Variants in NPHP1 observed in about 807,000 individuals in gnomAD.
The protein encoded by NPHP1 is nephrocystin-1.
Under a neutral mutation model 90.4 loss-of-function variants are expected in NPHP1, and 70 were observed. The observed-to-expected ratio is 0.77, with a 90% CI of 0.64 to 0.95. The LOEUF (loss-of-function observed/expected upper bound fraction) is 0.95. Among genes scored for constraint, NPHP1 ranks in the 40% least tolerant of loss-of-function variants. NPHP1 has a pLI of 0.00. For missense variants in NPHP1, 764 were observed against 795.9 expected (o/e 0.96, Z 0.48); for synonymous variants, 256 against 271.7 (o/e 0.94, Z 0.57).
At position 110,143,618 on chromosome 2, in the gene NPHP1, T is replaced by C. The variant is rs768448955; in HGVS notation, c.1453A>G (p.Ile485Val). Reference protein sequence around the residue: ...RRAHGSVFYQIMTMRRQPQLL... With the variant: ...RRAHGSVFYQVMTMRRQPQLL... ...TGAGGCTGCCTTCTCATTGTCATAA[T>C]CTGGTAGAAAACACTGCCGTGTGCT... Residue 485 changes from isoleucine (I) to valine (V), a missense_variant, in exon 16 of 20, where the codon ATT (isoleucine) becomes GTT (valine). Ile to Val is a conservative substitution (Grantham distance 29, BLOSUM62 3). Coordinates refer to ENST00000445609, the MANE Select transcript of NPHP1 (RefSeq NM_001128178.3). The C allele has an allele frequency of 1.9e-6, 3 of 1,613,432 alleles. No homozygotes were observed. Among genetic ancestry groups the C allele is most frequent in the Admixed American group, 1.7e-5 (1 of 60,026 alleles).
At chr2:110,178,679 G>A in intron 3 of NPHP1, 132 bp from the exon 4 acceptor site, 1 of 729,644 alleles carries the variant, frequency 1.4e-6, no homozygotes. Context: ...CTATCTTAGG[G>A]AAATAAATTA....
Position 110,143,661 on chromosome 2 carries a change from G to C in NPHP1, c.1430-20C>G, listed in dbSNP as rs760121969. The C allele has an allele frequency of 5.7e-5, 88 of 1,554,378 alleles. No homozygotes were observed. Among genetic ancestry groups the C allele is most frequent in the Non-Finnish European group, 7.7e-5 (87 of 1,125,854 alleles). On this transcript the variant is annotated intron_variant, in intron 15 of 19. Coordinates refer to ENST00000445609, the MANE Select transcript of NPHP1 (RefSeq NM_001128178.3). ...CGTGTGCTTTTAAGAAAAATCAAAA[G>C]TAACTCACGAAACTTTAAGTACTTG... is the stretch of plus-strand genomic sequence containing the variant.
At position 110,123,979 on chromosome 2, in the gene NPHP1, G is replaced by T. The variant is rs755276263; in HGVS notation, c.1846C>A (p.Pro616Thr). ...LPLLHSTRLP[P>T]FRWAEEETET... ...GTCTCTTCTTCTGCCCACCTGAATG[G>T]GGGTAGGCGTGTGGAGTGGAGAAGT... The change falls in exon 20 of 20, where the codon CCA (proline) becomes ACA (threonine). Residue 616 changes from proline to threonine, a missense_variant. By Grantham distance (38) the Pro-to-Thr change is conservative (BLOSUM62 -1). Coordinates refer to ENST00000445609, the MANE Select transcript of NPHP1 (RefSeq NM_001128178.3). 1 of 1,614,028 alleles carries T rather than the reference G, an allele frequency of 6.2e-7. No homozygotes were observed. The highest frequency in any genetic ancestry group is 8.5e-7 in the Non-Finnish European group (1 of 1,179,876).
chr2:110,199,985 C>T (rs978247625), intron 2 of NPHP1, among the ~76,000 whole-genome samples: 1 of 152,130 alleles, frequency 6.6e-6, no homozygotes, highest in African/African-American at 2.4e-5. Context: ...GGGCCGGGCG[C>T]GGTGGCTCAC....
chr2:110,164,875 A>G (rs995064518), intron 7 of NPHP1, 145 bp from the exon 8 acceptor site: 1 of 906,872 alleles, frequency 1.1e-6, no homozygotes, highest in Admixed American at 2.0e-5. Context: ...AGCTAAATGT[A>G]TTAAAAATAA....
At chr2:110,167,501 G>A (rs1333324153) in intron 6 of NPHP1, among the ~76,000 whole-genome samples, 1 of 152,034 alleles carries the variant, frequency 6.6e-6, no homozygotes, top group African/African-American at 2.4e-5. Flanking sequence ...ACAGCGAAGT[G>A]CTGGGAAGGT....
At chr2:110,154,211 C>T (rs71425272) in intron 11 of NPHP1, among the ~76,000 whole-genome samples, 4,082 of 152,188 alleles carry the variant, frequency 0.027, 93 homozygotes, top group Middle Eastern at 0.041. Context: ...CCTGCACAAG[C>T]GCTCTTCTCT....
At chr2:110,132,312 T>C (rs765741069) in intron 16 of NPHP1, among the ~76,000 whole-genome samples, 2 of 152,178 alleles carry the variant, frequency 1.3e-5, no homozygotes, top group African/African-American at 4.8e-5. Context: ...ATTTATTGGA[T>C]ACCAATAGTA....
At chr2:110,157,768 A>G (rs1559069628) in intron 11 of NPHP1, among the ~76,000 whole-genome samples, 2 of 151,872 alleles carry the variant, frequency 1.3e-5, no homozygotes, top group Non-Finnish European at 2.9e-5. Flanking sequence ...TCATCCAGAC[A>G]CTCTTTGAAA....
rs1457581717 is a variant in NPHP1, at chr2:110,204,946, T to G, written c.23A>C (p.Asp8Ala). The G allele has an allele frequency of 6.2e-7, 1 of 1,614,032 alleles. No individual in the cohort carries two copies. Among genetic ancestry groups the G allele is most frequent in the South Asian group, 1.1e-5 (1 of 91,078 alleles). Reference protein sequence around the residue: MLARRQRDPLQALRRRNQ... With the variant: MLARRQRAPLQALRRRNQ... ...GCGGCGCCGCAGGGCCTGGAGAGGA[T>G]CTCGCTGTCGTCTCGCCAGCATCTC... Residue 8 changes from aspartate (D) to alanine (A), a missense_variant, in exon 1 of 20, where the codon GAT becomes GCT. By Grantham distance (126) the Asp-to-Ala change is moderately radical. Coordinates refer to ENST00000445609, the MANE Select transcript of NPHP1 (RefSeq NM_001128178.3).
At chr2:110,170,390 C>T (rs1282516862) in intron 4 of NPHP1, among the ~76,000 whole-genome samples, 1 of 152,178 alleles carries the variant, frequency 6.6e-6, no homozygotes, top group Non-Finnish European at 1.5e-5. Flanking sequence ...TTCTTTTAAG[C>T]TCTCCATTTC....
intron 2 of NPHP1, 127 bp from the exon 3 acceptor site, chr2:110,179,811 C>G (rs1683763370): frequency 1.9e-6 from 1 of 538,494 alleles, no homozygotes; most frequent in African/African-American, 1.9e-5. Context: ...TACTAAAAAA[C>G]TGACATATAA....
chr2:110,164,942 A>C (rs1682611595), intron 7 of NPHP1, 110 bp downstream of exon 7: 1 of 946,450 alleles, frequency 1.1e-6, no homozygotes, highest in African/African-American at 1.6e-5. Flanking sequence ...AAAGCTCTCC[A>C]GGTACAAGTT....
chr2:110,194,871 G>A (rs1248702468), intron 2 of NPHP1, among the ~76,000 whole-genome samples: 3 of 151,688 alleles, frequency 2.0e-5, no homozygotes, highest in Admixed American at 6.6e-5. Context: ...GTCAATAAAC[G>A]TAATCCAGCA....
At chr2:110,175,131 C>A (rs1368082174) in intron 4 of NPHP1, among the ~76,000 whole-genome samples, 4 of 152,094 alleles carry the variant, frequency 2.6e-5, no homozygotes, top group Non-Finnish European at 5.9e-5. Flanking sequence ...AATGGTTTAG[C>A]ATTTACTAAT....
chr2:110,179,617 T>A lies in NPHP1; in HGVS notation c.204+7A>T. ...GTTTTAATAATGTGATTAACCTCAATACTTACTTTGCTTAATTTTTGAAGA... is the reference window on the plus strand; with the variant it reads ...GTTTTAATAATGTGATTAACCTCAAAACTTACTTTGCTTAATTTTTGAAGA... On this transcript the variant is annotated splice_region_variant and intron_variant, in intron 3 of 19. Coordinates refer to ENST00000445609, the MANE Select transcript of NPHP1 (RefSeq NM_001128178.3). 1 of 1,269,286 alleles carries A rather than the reference T, an allele frequency of 7.9e-7. No individual in the cohort carries two copies. Among genetic ancestry groups the A allele is most frequent in the African/African-American group, 1.5e-5 (1 of 68,296 alleles). 78.6% of individuals were successfully genotyped at this position (1,269,286 alleles called of 1,614,324 possible).
At chr2:110,140,196 C>T (rs1005973851) in intron 16 of NPHP1, among the ~76,000 whole-genome samples, 1 of 152,102 alleles carries the variant, frequency 6.6e-6, no homozygotes, top group Non-Finnish European at 1.5e-5. Context: ...GAGGCAATTT[C>T]AAGCCAGCAC....
At position 110,143,550 on chromosome 2, in the gene NPHP1, A is replaced by C. The variant is rs2104479969; in HGVS notation, c.1521T>G (p.Asn507Lys). 6.2e-7 allele frequency: 1 copy of C among 1,610,768 alleles called. No homozygotes were observed. Among genetic ancestry groups the C allele is most frequent in the Middle Eastern group, 1.7e-4 (1 of 6,058 alleles). Residue 507 changes from asparagine to lysine, a missense_variant, in exon 16 of 20, where the codon AAT (asparagine) becomes AAG (lysine). Coordinates refer to ENST00000445609, the MANE Select transcript of NPHP1 (RefSeq NM_001128178.3). ...TAAAAGCAGGTACCCACCTTAGTAC[A>C]TTTCTTGATCTTCTGTTCAAGGATC... ...KLRSLNRRSR[N>K]VLSLLPETLI... is the part of the protein sequence containing the mutation.
intron 8 of NPHP1, chr2:110,163,560 A>G: frequency 5.7e-6 from 1 of 176,770 alleles, no homozygotes; most frequent in Non-Finnish European, 1.2e-5. Flanking sequence ...GGATGTACTT[A>G]TAAGTAATAA....
Sources: allele counts gnomAD v4.1 joint callset (sites outside exome capture counted in the v4.1 genomes callset), GRCh38; gene constraint gnomAD v4.1.1; transcripts MANE v1.5; gene names NCBI Gene and HGNC (gene_info 2026-07-23, HGNC 2026-07-21).